Variants in ATP11A observed in about 807,000 individuals in gnomAD.
ATP11A encodes the protein phospholipid-transporting ATPase IH.
ATP11A carries 81 observed loss-of-function variants against 154.4 expected under a neutral mutation model. The ratio of observed to expected loss-of-function variants is 0.52; its 90% CI spans 0.44 to 0.63. The LOEUF is 0.63. Ranked by LOEUF, ATP11A falls within the 30% of genes least tolerant of loss-of-function variation. The pLI is 0.00. For missense variants in ATP11A, 1,316 were observed against 1,474.3 expected (o/e 0.89, Z 1.76); for synonymous variants, 623 against 585.9 (o/e 1.06, Z -0.91).
chr13:112,802,402 G>A (rs1484169162), intron 2 of ATP11A, among the ~76,000 whole-genome samples: 5 of 150,054 alleles, frequency 3.3e-5, no homozygotes, highest in Admixed American at 2.6e-4. Context: ...TAGAGAGCCT[G>A]GGAGTAGATC....
chr13:112,701,651 T>C (rs1212093541), intron 1 of ATP11A, among the ~76,000 whole-genome samples: 1 of 151,602 alleles, frequency 6.6e-6, no homozygotes, highest in Non-Finnish European at 1.5e-5. Context: ...GCTAACACGA[T>C]GAAACCCCGT....
chr13:112,870,795 G>A (rs756250372), intron 25 of ATP11A, among the ~76,000 whole-genome samples: 6 of 152,252 alleles, frequency 3.9e-5, no homozygotes, highest in African/African-American at 9.6e-5. Context: ...AGGTTCTCCC[G>A]AAACAAGTTT....
Position 112,823,389 on chromosome 13 carries a change from A to AG in ATP11A, c.771dup (p.Asn258GlufsTer3), listed in dbSNP as rs1208290983. 5.6e-6 allele frequency: 9 copies of AG among 1,612,666 alleles called. No individual in the cohort carries two copies. Among genetic ancestry groups the AG allele is most frequent in the Non-Finnish European group, 6.8e-6 (8 of 1,178,878 alleles). ...CTGCTGCTTAGAGGAGCTACACTGA[A>AG]GAACACTGAGAAAATCTTTGGTAAA... On this transcript the variant is annotated frameshift_variant, in exon 9 of 30. Transcript: ENST00000375645. LOFTEE classifies it high-confidence loss of function.
At chr13:112,762,097 C>T (rs1210456621) in intron 1 of ATP11A, among the ~76,000 whole-genome samples, 2 of 152,158 alleles carry the variant, frequency 1.3e-5, no homozygotes, top group Non-Finnish European at 2.9e-5. Context: ...AACCTAAGGT[C>T]ATGGAGACTC....
chr13:112,854,483 G>C lies in ATP11A; in HGVS notation c.2196G>C (p.Lys732Asn), dbSNP rs2079864789. 2 of 1,612,456 alleles carry C rather than the reference G, an allele frequency of 1.2e-6. No individual in the cohort carries two copies. Among genetic ancestry groups the C allele is most frequent in the Non-Finnish European group, 1.7e-6 (2 of 1,180,032 alleles). The change falls in exon 19 of 30, where the codon AAG (lysine) becomes AAC (asparagine). Residue 732 changes from lysine (K) to asparagine (N), a missense_variant. Around this residue, in one of 5 missense-constraint regions of ATP11A, gnomAD observed 876 missense variants for 1,006.8 expected, o/e 0.87. Coordinates refer to ENST00000375645, the MANE Select transcript of ATP11A (RefSeq NM_015205.3). ...ACGACGTCCTGTTCGAGCTGAGCAA[G>C]ACGGTCCTGCGCCACAGCGGGAGCC... Reference protein sequence around the residue: ...SLHDVLFELSKTVLRHSGSLT... With the variant: ...SLHDVLFELSNTVLRHSGSLT...
rs1884998457 is a variant in ATP11A at position 112,690,349 on chromosome 13, G to A, written c.-68G>A. On this transcript the variant is annotated 5_prime_UTR_variant, in exon 1 of 30. Coordinates refer to ENST00000375645, the MANE Select transcript of ATP11A (RefSeq NM_015205.3). The surrounding 1 kb of genome is among the most constrained non-coding windows in gnomAD (Gnocchi z 5.6). ...GGGGCGCGGCCGCACTAGTACCCCG[G>A]AGCCCATGGGCGCGCCGAGCCGGGC... The A allele has an allele frequency of 8.4e-7, 1 of 1,192,076 alleles. No individual in the cohort carries two copies. The highest frequency in any genetic ancestry group is 3.6e-5 in the South Asian group (1 of 27,426). The allele number at this position is 1,192,076 out of a possible 1,614,324, so 73.8% of individuals were successfully genotyped here. A position where few individuals can be genotyped will look rare whatever the true frequency, so the allele number is the denominator to read the frequency against.
intron 18 of ATP11A, among the ~76,000 whole-genome samples, chr13:112,852,663 C>A (rs2140328657): frequency 6.6e-6 from 1 of 151,960 alleles, no homozygotes; most frequent in East Asian, 1.9e-4. Flanking sequence ...CTTTAGAGGC[C>A]TTGGTGGAGG....
intron 1 of ATP11A, among the ~76,000 whole-genome samples, chr13:112,722,146 T>A (rs1889274868): frequency 6.6e-6 from 1 of 151,966 alleles, no homozygotes; most frequent in Non-Finnish European, 1.5e-5. Flanking sequence ...CCTCAGGAGG[T>A]CCTAAGAACA....
At chr13:112,876,583 AC>A (rs1195456227) in intron 28 of ATP11A, among the ~76,000 whole-genome samples, 8 of 152,182 alleles carry the variant, frequency 5.3e-5, no homozygotes, top group African/African-American at 9.7e-5. Flanking sequence ...GGGCCGCTGC[AC>A]CTGTCACGGT....
At chr13:112,823,844 G>A (rs957830780) in intron 9 of ATP11A, among the ~76,000 whole-genome samples, 1 of 152,168 alleles carries the variant, frequency 6.6e-6, no homozygotes, top group Non-Finnish European at 1.5e-5. Context: ...TGGGGGACTG[G>A]TTCCAGGATG....
intron 1 of ATP11A, among the ~76,000 whole-genome samples, chr13:112,761,520 A>C (rs753852307): frequency 6.6e-6 from 1 of 152,214 alleles, no homozygotes; most frequent in African/African-American, 2.4e-5. Context: ...CATTGTGTCC[A>C]TAGGATTCGG....
intron 18 of ATP11A, among the ~76,000 whole-genome samples, chr13:112,853,030 G>C (rs2079816738): frequency 6.6e-6 from 1 of 152,108 alleles, no homozygotes; most frequent in Non-Finnish European, 1.5e-5. Flanking sequence ...AGCCCAGCCT[G>C]GGCAATATAG....
chr13:112,859,245 G>A lies in ATP11A; in HGVS notation c.2668-148G>A. ...CATTTCAGTTGCCCCTGAAATAAGAGAAAGCTTTCTAGAACCCATTAGTGC... is the reference window on the plus strand; with the variant it reads ...CATTTCAGTTGCCCCTGAAATAAGAAAAAGCTTTCTAGAACCCATTAGTGC... On this transcript the variant is annotated intron_variant, in intron 22 of 29. Transcript: ENST00000375645. The surrounding 1 kb of genome is among the most constrained non-coding windows in gnomAD (Gnocchi z 4.3). The A allele has an allele frequency of 1.4e-6, 1 of 709,318 alleles. No homozygotes were observed. Among genetic ancestry groups the A allele is most frequent in the Non-Finnish European group, 2.6e-6 (1 of 388,988 alleles). 43.9% of individuals were successfully genotyped at this position (709,318 alleles called of 1,614,324 possible). A position where few individuals can be genotyped will look rare whatever the true frequency, so the allele number is the denominator to read the frequency against.
At chr13:112,770,197 A>G (rs1326052905) in intron 1 of ATP11A, among the ~76,000 whole-genome samples, 1 of 152,134 alleles carries the variant, frequency 6.6e-6, no homozygotes, top group Non-Finnish European at 1.5e-5. Context: ...GTGAGAATTT[A>G]TATTTTTATT....
chr13:112,788,088 C>A (rs2140050226), intron 2 of ATP11A, among the ~76,000 whole-genome samples: 1 of 151,006 alleles, frequency 6.6e-6, no homozygotes, highest in Middle Eastern at 3.5e-3. Flanking sequence ...CACCGGGTGT[C>A]CTGATGTGTA....
intron 1 of ATP11A, among the ~76,000 whole-genome samples, chr13:112,784,584 T>C (rs1016301524): frequency 7.3e-5 from 11 of 151,044 alleles, no homozygotes; most frequent in African/African-American, 2.7e-4. Flanking sequence ...AGTGCAGTGG[T>C]GCTATCTCGG....
At chr13:112,877,704 C>CG (rs1221058275) in intron 28 of ATP11A, among the ~76,000 whole-genome samples, 9 of 152,154 alleles carry the variant, frequency 5.9e-5, no homozygotes, top group Admixed American at 2.0e-4. Flanking sequence ...GAGTTGAACT[C>CG]GGGGGGTTAG....
At chr13:112,844,382 G>A (rs980749875) in intron 17 of ATP11A, among the ~76,000 whole-genome samples, 2 of 152,202 alleles carry the variant, frequency 1.3e-5, no homozygotes, top group African/African-American at 4.8e-5. Flanking sequence ...TTTAAAATGC[G>A]AGAGCAGCAA....
Position 112,831,817 on chromosome 13 carries a change from A to T in ATP11A, c.1395+269A>T, listed in dbSNP as rs138643466. On this transcript the variant is annotated intron_variant, in intron 13 of 29. Transcript: ENST00000375645. ...AGACACCATGTGCACACGGACACAC[A>T]TGCACACACGCTCACATGCAAACAC... is the stretch of plus-strand genomic sequence containing the variant. Among the ~76,000 whole-genome samples the T allele has an allele frequency of 1.8e-3, 267 of 152,326 alleles. 1 individual carries two copies. The highest frequency in any genetic ancestry group is 6.2e-3 in the African/African-American group (258 of 41,588).
Sources: gnomAD v4.1 joint callset for allele counts (sites outside exome capture counted in the v4.1 genomes callset) on GRCh38, gnomAD v4.1.1 for gene constraint, gnomAD v4.1.1 regional missense constraint, Gnocchi (gnomAD v3.1) non-coding constraint, MANE v1.5 for transcripts, NCBI Gene and HGNC (gene_info 2026-07-23, HGNC 2026-07-21) for gene names.